CCBE1: variants seen among roughly 807,000 people sequenced by gnomAD.
The protein encoded by CCBE1 is collagen and calcium-binding EGF domain-containing protein 1.
A neutral mutation model predicts 50.0 loss-of-function variants in CCBE1; 37 were observed. That is an observed-to-expected ratio of 0.74 (90% CI 0.57 to 0.97). The LOEUF (loss-of-function observed/expected upper bound fraction) is 0.97, where lower values mean the gene tolerates loss of function less well. Ranked by LOEUF, CCBE1 falls within the 50% of genes least tolerant of loss-of-function variation. The probability of loss-of-function intolerance (pLI) is 0.00; values close to 1 mark genes in which losing one functional copy is unlikely to be tolerated. For synonymous variants in CCBE1, 234 were observed against 203.7 expected (o/e 1.15, Z -1.27); for missense variants, 538 against 523.8 (o/e 1.03, Z -0.26).
chr18:59,584,063 C>T (rs1029777288), intron 2 of CCBE1, among the ~76,000 whole-genome samples: 14 of 151,956 alleles, frequency 9.2e-5, no homozygotes, highest in South Asian at 4.2e-4. Context: ...ATGTTTATTG[C>T]GGCATTATTC....
intron 2 of CCBE1, among the ~76,000 whole-genome samples, chr18:59,521,563 C>T (rs965958822): frequency 4.6e-5 from 7 of 152,172 alleles, no homozygotes; most frequent in Non-Finnish European, 8.8e-5. Context: ...TTCCCTCTTC[C>T]CACCCACACA....
intron 3 of CCBE1, among the ~76,000 whole-genome samples, chr18:59,471,115 T>C (rs187152752): frequency 5.0e-4 from 76 of 152,318 alleles, no homozygotes; most frequent in African/African-American, 1.8e-3. Flanking sequence ...CTGTTGGCTG[T>C]TGCCACCATT....
intron 2 of CCBE1, among the ~76,000 whole-genome samples, chr18:59,551,430 A>G (rs192209796): frequency 6.6e-6 from 1 of 152,344 alleles, no homozygotes; most frequent in African/African-American, 2.4e-5. Flanking sequence ...ATTACTGTAC[A>G]ATGCTGTAGA....
chr18:59,612,822 TTTTG>T (rs1267598419), intron 2 of CCBE1, among the ~76,000 whole-genome samples: 1 of 113,530 alleles, frequency 8.8e-6, no homozygotes, highest in African/African-American at 3.3e-5. Context: ...AGGGTTTTTT[TTTTG>T]TTTTTTTTTG....
chr18:59,685,246 T>C (rs2054640115), intron 2 of CCBE1, among the ~76,000 whole-genome samples: 1 of 152,116 alleles, frequency 6.6e-6, no homozygotes, highest in Admixed American at 6.6e-5. Flanking sequence ...TTGGAATGGC[T>C]CAGCTTAAGA....
chr18:59,535,815 A>G (rs547549375), intron 2 of CCBE1, among the ~76,000 whole-genome samples: 1 of 152,324 alleles, frequency 6.6e-6, no homozygotes, highest in Non-Finnish European at 1.5e-5. Context: ...GTACATATAT[A>G]AGGACATTTA....
intron 2 of CCBE1, among the ~76,000 whole-genome samples, chr18:59,624,104 T>C (rs2053746668): frequency 6.6e-6 from 1 of 152,192 alleles, no homozygotes; most frequent in Non-Finnish European, 1.5e-5. Flanking sequence ...AGAAATGCAA[T>C]TTAAGAAGAC....
intron 2 of CCBE1, among the ~76,000 whole-genome samples, chr18:59,667,098 A>C (rs939923956): frequency 1.3e-5 from 2 of 151,710 alleles, no homozygotes; most frequent in African/African-American, 4.8e-5. Context: ...ACATAGTGAA[A>C]CCCTGTCCCG....
At chr18:59,610,383 A>T (rs1443546750) in intron 2 of CCBE1, among the ~76,000 whole-genome samples, 1 of 152,158 alleles carries the variant, frequency 6.6e-6, no homozygotes, top group African/African-American at 2.4e-5. Context: ...ATTTAACATC[A>T]TTCTAGGCTC....
chr18:59,455,150 AG>A (rs1911130028), intron 5 of CCBE1, 199 bp from the exon 6 acceptor site: 2 of 670,738 alleles, frequency 3.0e-6, no homozygotes, highest in South Asian at 1.5e-5. Context: ...ACAGAGGGAG[AG>A]GGGCCCTGCT....
intron 2 of CCBE1, among the ~76,000 whole-genome samples, chr18:59,679,066 A>G (rs1205242225): frequency 6.6e-6 from 1 of 152,206 alleles, no homozygotes; most frequent in Admixed American, 6.5e-5. Flanking sequence ...CTTTGGAGTC[A>G]AATGCATGAA....
intron 2 of CCBE1, among the ~76,000 whole-genome samples, chr18:59,541,109 G>C (rs187351457): frequency 6.6e-6 from 1 of 152,324 alleles, no homozygotes; most frequent in Admixed American, 6.5e-5. Flanking sequence ...TAATCGGTTA[G>C]AGTAGCCATA....
intron 5 of CCBE1, among the ~76,000 whole-genome samples, chr18:59,461,327 C>A (rs1453614640): frequency 6.7e-6 from 1 of 149,624 alleles, no homozygotes; most frequent in African/African-American, 2.5e-5. Context: ...TTGCCAGAAC[C>A]ATCAAAGCCA....
chr18:59,635,011 A>T (rs1418477262), intron 2 of CCBE1, among the ~76,000 whole-genome samples: 1 of 152,220 alleles, frequency 6.6e-6, no homozygotes, highest in Non-Finnish European at 1.5e-5. Flanking sequence ...GAATTGATGA[A>T]AAACATAAAT....
chr18:59,582,360 G>A (rs2053098110), intron 2 of CCBE1, among the ~76,000 whole-genome samples: 1 of 152,176 alleles, frequency 6.6e-6, no homozygotes, highest in African/African-American at 2.4e-5. Context: ...GACTTCAGAG[G>A]TGATGTTGTC....
At chr18:59,681,177 G>A (rs115316380) in intron 2 of CCBE1, among the ~76,000 whole-genome samples, 8 of 152,194 alleles carry the variant, frequency 5.3e-5, no homozygotes, top group Non-Finnish European at 7.4e-5. Context: ...ACCAGAACCC[G>A]GAGCAGCAGA....
intron 2 of CCBE1, among the ~76,000 whole-genome samples, chr18:59,647,457 T>G (rs2054070107): frequency 6.6e-6 from 1 of 152,264 alleles, no homozygotes; most frequent in South Asian, 2.1e-4. Flanking sequence ...ATTGTTTTCA[T>G]ACTTTGTAGT....
At chr18:59,615,561 G>T (rs1162392237) in intron 2 of CCBE1, among the ~76,000 whole-genome samples, 2 of 151,272 alleles carry the variant, frequency 1.3e-5, no homozygotes, top group African/African-American at 4.9e-5. Flanking sequence ...TATATATTTT[G>T]ATCACACTAT....
intron 2 of CCBE1, among the ~76,000 whole-genome samples, chr18:59,495,752 G>A (rs1240007711): frequency 1.3e-5 from 2 of 152,148 alleles, no homozygotes; most frequent in South Asian, 2.1e-4. Context: ...GATGTGGCAC[G>A]CACAGTAAGT....
Sources: allele counts gnomAD v4.1 joint callset (sites outside exome capture counted in the v4.1 genomes callset), GRCh38; gene constraint gnomAD v4.1.1; transcripts MANE v1.5; gene names NCBI Gene and HGNC (gene_info 2026-07-23, HGNC 2026-07-21).